PSORS1C1: variants seen among roughly 807,000 people sequenced by gnomAD.
PSORS1C1 encodes the protein psoriasis susceptibility 1 candidate gene 1 protein.
Under a neutral mutation model 9.4 loss-of-function variants are expected in PSORS1C1, and 7 were observed. The ratio of observed to expected loss-of-function variants is 0.75; its 90% CI spans 0.42 to 1.40. PSORS1C1 has a LOEUF of 1.40. PSORS1C1 is among the 40% of genes most tolerant of loss of function. The pLI is 0.01. For missense variants in PSORS1C1, 146 were observed against 178.1 expected (o/e 0.82, Z 1.02); for synonymous variants, 63 against 69.4 (o/e 0.91, Z 0.46).
intron 3 of PSORS1C1, among the ~76,000 whole-genome samples, chr6:31,136,506 A>T (rs1271616657): frequency 6.6e-6 from 1 of 152,060 alleles, no homozygotes; most frequent in Non-Finnish European, 1.5e-5. Flanking sequence ...CAGGCCCAGG[A>T]CAAGCAGGAG....
At chr6:31,129,791 A>T (rs1283177901) in intron 3 of PSORS1C1, 146 bp downstream of exon 3, 3 of 641,122 alleles carry the variant, frequency 4.7e-6, no homozygotes, top group Non-Finnish European at 8.5e-6. Context: ...CAAGAAGCTC[A>T]TACTTTCCAA....
intron 1 of PSORS1C1, among the ~76,000 whole-genome samples, chr6:31,121,135 G>A (rs993802846): frequency 1.2e-4 from 17 of 145,590 alleles, no homozygotes; most frequent in African/African-American, 3.6e-4. Flanking sequence ...CTGACCTGTC[G>A]CTTCTGGGGG....
At chr6:31,134,830 G>T (rs1372971593) in intron 3 of PSORS1C1, among the ~76,000 whole-genome samples, 3 of 151,482 alleles carry the variant, frequency 2.0e-5, no homozygotes, top group Admixed American at 2.0e-4. Flanking sequence ...CATTTGTATT[G>T]TTTTGAGACA....
chr6:31,137,246 G>A lies in PSORS1C1; in HGVS notation c.14-1184G>A, dbSNP rs1773185354. On this transcript the variant is annotated intron_variant, in intron 3 of 5. Transcript: ENST00000259881. ...CCCAGGCGGGCAGATCACGAGGTCAGGAGATCGAGACCACTCTGGCTAACA... is the reference window on the plus strand; with the variant it reads ...CCCAGGCGGGCAGATCACGAGGTCAAGAGATCGAGACCACTCTGGCTAACA... Among the ~76,000 whole-genome samples, 3 of 152,312 alleles carry A rather than the reference G, an allele frequency of 2.0e-5. 1 individual carries two copies. In the South Asian group the frequency reaches 6.2e-4, roughly 32 times the overall value.
In PSORS1C1 at chr6:31,116,379, G is replaced by A. The variant is rs1204563964; in HGVS notation, c.-229+1488G>A. Reference sequence around the variant, plus strand: ...TCTGGGAAGCACTGCCGCAGGGATGGTAGGGTAAACCGGAGCTGCTGGAAA... The same window carrying A: ...TCTGGGAAGCACTGCCGCAGGGATGATAGGGTAAACCGGAGCTGCTGGAAA... On this transcript the variant is annotated intron_variant, in intron 1 of 5. Coordinates refer to ENST00000259881, the MANE Select transcript of PSORS1C1 (RefSeq NM_014068.3). 5.0e-6 allele frequency: 8 copies of A among 1,608,170 alleles called. No individual in the cohort carries two copies. In the African/African-American group the frequency reaches 6.7e-5, roughly 13 times the overall value.
intron 3 of PSORS1C1, among the ~76,000 whole-genome samples, chr6:31,133,388 A>G (rs1773005589): frequency 6.6e-6 from 1 of 151,892 alleles, no homozygotes; most frequent in Non-Finnish European, 1.5e-5. Context: ...AACAGCACAC[A>G]CGAAGGCTGA....
At chr6:31,134,483 T>C (rs1773059434) in intron 3 of PSORS1C1, among the ~76,000 whole-genome samples, 1 of 151,764 alleles carries the variant, frequency 6.6e-6, no homozygotes, top group Non-Finnish European at 1.5e-5. Context: ...TTTTTGTATT[T>C]TTTAGTAGAG....
intron 3 of PSORS1C1, among the ~76,000 whole-genome samples, chr6:31,134,462 C>A (rs1773055733): frequency 6.6e-6 from 1 of 151,984 alleles, no homozygotes; most frequent in Non-Finnish European, 1.5e-5. Flanking sequence ...GCCACCATGC[C>A]CGGCTAATTT....
intron 1 of PSORS1C1, among the ~76,000 whole-genome samples, chr6:31,125,270 T>A (rs543286808): frequency 2.0e-4 from 30 of 152,096 alleles, no homozygotes; most frequent in Non-Finnish European, 3.2e-4. Flanking sequence ...TCCTCTCTGC[T>A]TGGCTCCAGC....
rs1351244977 is a variant in PSORS1C1, at chr6:31,138,973, T to A, written c.167+194T>A. 3 of 1,613,810 alleles carry A rather than the reference T, an allele frequency of 1.9e-6. No homozygotes were observed. The African/African-American group carries it at 4.0e-5, about 22-fold the overall frequency. On this transcript the variant is annotated intron_variant, in intron 5 of 5. Coordinates refer to ENST00000259881, the MANE Select transcript of PSORS1C1 (RefSeq NM_014068.3). Reference sequence around the variant, plus strand: ...TCCCTGCCTCTGTTCCCACCTCACCTCTGGTGTGCAGGCAAAGGACCAGGA... The same window carrying A: ...TCCCTGCCTCTGTTCCCACCTCACCACTGGTGTGCAGGCAAAGGACCAGGA...
At position 31,129,646 on chromosome 6, in the gene PSORS1C1, G is replaced by T. The variant is rs781721379; in HGVS notation, c.13+1G>T. The T allele has an allele frequency of 2.6e-6, 2 of 779,894 alleles. No individual in the cohort carries two copies. The highest frequency in any genetic ancestry group is 1.3e-5 in the South Asian group (1 of 74,624). The allele number at this position is 779,894 out of a possible 1,614,324, so 48.3% of individuals were successfully genotyped here. ...GGCACTTGTGATATGACTTGCACAG[G>T]TGAGTTACCTCTCTCAGTGTTGGTT... On this transcript the variant is annotated splice_donor_variant, in intron 3 of 5. Transcript: ENST00000259881. LOFTEE classifies it high-confidence loss of function.
intron 1 of PSORS1C1, chr6:31,116,680 G>A: frequency 6.2e-7 from 1 of 1,612,692 alleles, no homozygotes; most frequent in Non-Finnish European, 8.5e-7. Flanking sequence ...CTTACTGTAG[G>A]TCATGCCTGG....
At chr6:31,123,662 C>G (rs1772558024) in intron 1 of PSORS1C1, among the ~76,000 whole-genome samples, 1 of 152,222 alleles carries the variant, frequency 6.6e-6, no homozygotes, top group Non-Finnish European at 1.5e-5. Flanking sequence ...GGGCTCCCAG[C>G]CATGTATCAT....
At chr6:31,131,283 G>A (rs1389227920) in intron 3 of PSORS1C1, among the ~76,000 whole-genome samples, 1 of 152,118 alleles carries the variant, frequency 6.6e-6, no homozygotes, top group African/African-American at 2.4e-5. Flanking sequence ...CTCTGTCAGG[G>A]TTACACAGAT....
rs575674632 is a variant in PSORS1C1, at chr6:31,115,058, C to T, written c.-229+167C>T. 454 of 363,362 alleles carry T rather than the reference C, an allele frequency of 1.2e-3. No homozygotes were observed. Among genetic ancestry groups the T allele is most frequent in the Non-Finnish European group, 2.2e-3 (412 of 185,316 alleles). 22.5% of individuals were successfully genotyped at this position (363,362 alleles called of 1,614,324 possible). ...GAGCAATGAGAGAGGAGGGAAATGGCGGAAGGATCTGGGAGGCCAGGCAAT... is the reference window on the plus strand; with the variant it reads ...GAGCAATGAGAGAGGAGGGAAATGGTGGAAGGATCTGGGAGGCCAGGCAAT... On this transcript the variant is annotated intron_variant, in intron 1 of 5. Transcript: ENST00000259881. The surrounding 1 kb of genome is among the most constrained non-coding windows in gnomAD (Gnocchi z 4.2).
rs907858659 is a variant in PSORS1C1 at position 31,128,413 on chromosome 6, G to A, written c.-64-1156G>A. Among the ~76,000 whole-genome samples, 1 of 152,172 alleles carries A rather than the reference G, an allele frequency of 6.6e-6. No individual in the cohort carries two copies. Among genetic ancestry groups the A allele is most frequent in the Admixed American group, 6.6e-5 (1 of 15,266 alleles). ...CCCATCCCAAGGTCACATAGAGAAC[G>A]AATGGCTAAGTAGCGACAAGAACCC... On this transcript the variant is annotated intron_variant, in intron 2 of 5. Coordinates refer to ENST00000259881, the MANE Select transcript of PSORS1C1 (RefSeq NM_014068.3). The surrounding 1 kb of genome is among the most constrained non-coding windows in gnomAD (Gnocchi z 4.3).
rs924872092 is a variant in PSORS1C1, at chr6:31,119,674, G to A, written c.-229+4783G>A. ...AGCACCTTGGGAGGCTGAGGCGAGC[G>A]GATCACTTGAGTCAGGAGTTCAAGA... On this transcript the variant is annotated intron_variant, in intron 1 of 5. Coordinates refer to ENST00000259881, the MANE Select transcript of PSORS1C1 (RefSeq NM_014068.3). 4.6e-5 allele frequency among the ~76,000 whole-genome samples: 7 copies of A among 152,152 alleles called. No individual in the cohort carries two copies. In the South Asian group the frequency reaches 8.3e-4, roughly 18 times the overall value.
At chr6:31,129,473 G>A (rs1476180441) in intron 2 of PSORS1C1, 96 bp from the exon 3 acceptor site, 3 of 671,944 alleles carry the variant, frequency 4.5e-6, no homozygotes, top group African/African-American at 1.8e-5. Flanking sequence ...CAGCCTGTTT[G>A]AGTGCCAAAA....
In PSORS1C1 at chr6:31,139,514, A is replaced by G; in HGVS notation, c.168-127A>G. 2.4e-6 allele frequency: 2 copies of G among 846,284 alleles called. No homozygotes were observed. Among genetic ancestry groups the G allele is most frequent in the South Asian group, 1.7e-5 (1 of 58,694 alleles). The allele number at this position is 846,284 out of a possible 1,614,324, so 52.4% of individuals were successfully genotyped here. A position where few individuals can be genotyped will look rare whatever the true frequency, so the allele number is the denominator to read the frequency against. ...CCTGGGATGCAGCTGGGACAGTGTCAGCTACTACCCCAGCCTCCCCACTCA... is the reference window on the plus strand; with the variant it reads ...CCTGGGATGCAGCTGGGACAGTGTCGGCTACTACCCCAGCCTCCCCACTCA... On this transcript the variant is annotated intron_variant, in intron 5 of 5. Coordinates refer to ENST00000259881, the MANE Select transcript of PSORS1C1 (RefSeq NM_014068.3). This position sits in a 1 kb window ranked among gnomAD's most constrained non-coding sequence, Gnocchi z 5.2.
Sources: gnomAD v4.1 joint callset for allele counts (sites outside exome capture counted in the v4.1 genomes callset) on GRCh38, gnomAD v4.1.1 for gene constraint, Gnocchi (gnomAD v3.1) non-coding constraint, MANE v1.5 for transcripts, NCBI Gene and HGNC (gene_info 2026-07-23, HGNC 2026-07-21) for gene names.